Variants in TM4SF4 observed in about 807,000 individuals in gnomAD.
TM4SF4 encodes the protein transmembrane 4 L six family member 4, also known as transmembrane 4 L6 family member 4.
TM4SF4 carries 24 observed loss-of-function variants against 24.1 expected under a neutral mutation model. That is an observed-to-expected ratio of 1.00 (90% confidence interval 0.72 to 1.40). The LOEUF (loss-of-function observed/expected upper bound fraction) is 1.40. TM4SF4 is among the 40% of genes most tolerant of loss of function. The probability of loss-of-function intolerance (pLI) is 0.00; values close to 1 mark genes in which losing one functional copy is unlikely to be tolerated. For synonymous variants in TM4SF4, 113 were observed against 97.0 expected, an observed-to-expected ratio of 1.17 and a Z score of -0.97; for missense variants, 254 against 254.2, an observed-to-expected ratio of 1.00 and a Z score of 0.01.
At chr3:149,493,396 G>T (rs1378192575) in intron 3 of TM4SF4, among the ~76,000 whole-genome samples, 1 of 152,206 alleles carries the variant, frequency 6.6e-6, no homozygotes, top group African/African-American at 2.4e-5. Context: ...ATGGGTCAGA[G>T]CACTGGATTT....
chr3:149,496,578 G>A (rs1576522617), intron 3 of TM4SF4, among the ~76,000 whole-genome samples: 5 of 152,224 alleles, frequency 3.3e-5, no homozygotes, highest in Admixed American at 3.3e-4. Flanking sequence ...AGACCAGCCT[G>A]ACCAACATGG....
At chr3:149,484,550 ATTTTTTTT>A (rs890892392) in intron 2 of TM4SF4, among the ~76,000 whole-genome samples, 1 of 122,226 alleles carries the variant, frequency 8.2e-6, no homozygotes, top group East Asian at 2.3e-4. Flanking sequence ...CACCCCGCTA[ATTTTTTTT>A]TTTTTTTTTT....
At position 149,476,462 on chromosome 3, in the gene TM4SF4, C is replaced by T. The variant is rs186602397; in HGVS notation, c.264+550C>T. Among the ~76,000 whole-genome samples, 27 of 136,060 alleles carry T rather than the reference C, an allele frequency of 2.0e-4. 1 individual carries two copies. The highest frequency in any genetic ancestry group is 1.7e-3 in the Admixed American group (23 of 13,338). The allele number at this position is 136,060 out of a possible 152,430, so 89.3% of individuals were successfully genotyped here. ...CTTCTGTTTCCTCTCTTGTTTCATGCGGCCATCGATCTTGAACTAGAGACG... is the reference window on the plus strand; with the variant it reads ...CTTCTGTTTCCTCTCTTGTTTCATGTGGCCATCGATCTTGAACTAGAGACG... On this transcript the variant is annotated intron_variant, in intron 2 of 4. Coordinates refer to ENST00000305354, the MANE Select transcript of TM4SF4 (RefSeq NM_004617.4).
chr3:149,497,269 A>T (rs66903714), intron 3 of TM4SF4, among the ~76,000 whole-genome samples: 13,041 of 152,266 alleles, frequency 0.086, 1,101 homozygotes, highest in East Asian at 0.43. Flanking sequence ...AATAACCCTA[A>T]GATATGATAA....
chr3:149,474,984 T>C lies in TM4SF4; in HGVS notation c.107T>C (p.Ile36Thr), dbSNP rs752965209. Residue 36 changes from isoleucine to threonine, a missense_variant, in exon 1 of 5, where the codon ATA becomes ACA. Ile to Thr is a moderately conservative substitution (Grantham distance 89, BLOSUM62 -1). Transcript: ENST00000305354. ...ILLFFPGGKV[I>T]DDNDHLSQEI... ...TTATTTTTTCCTGGAGGAAAAGTGA[T>C]AGATGACAACGACCACCTTTCCCAA... 16 of 1,613,828 alleles carry C rather than the reference T, an allele frequency of 9.9e-6. No homozygotes were observed. The highest frequency in any genetic ancestry group is 2.2e-5 in the East Asian group (1 of 44,886).
intron 3 of TM4SF4, among the ~76,000 whole-genome samples, chr3:149,488,604 T>G (rs1214736066): frequency 1.3e-5 from 2 of 152,216 alleles, no homozygotes; most frequent in Non-Finnish European, 2.9e-5. Flanking sequence ...ATTCAGTTCC[T>G]TAATCACACT....
intron 2 of TM4SF4, among the ~76,000 whole-genome samples, chr3:149,479,369 T>TTC (rs1414628504): frequency 6.6e-6 from 1 of 150,664 alleles, no homozygotes; most frequent in Non-Finnish European, 1.5e-5. Flanking sequence ...TTCTTTTCTT[T>TTC]TTTTTTTTTT....
chr3:149,490,135 A>G (rs1734185794), intron 3 of TM4SF4, among the ~76,000 whole-genome samples: 1 of 152,242 alleles, frequency 6.6e-6, no homozygotes, highest in Admixed American at 6.5e-5. Context: ...GGTATAAAAT[A>G]TGCCATGATG....
In TM4SF4 at chr3:149,483,643, A is replaced by G. The variant is rs553739836; in HGVS notation, c.265-3976A>G. On this transcript the variant is annotated intron_variant, in intron 2 of 4. Transcript: ENST00000305354. ...ACATAAAAGCATGTCTTATTTTCCC[A>G]TAAAGAAACTTCAAAAAAGCTCCTT... Among the ~76,000 whole-genome samples, 14 of 152,308 alleles carry G rather than the reference A, an allele frequency of 9.2e-5. No individual in the cohort carries two copies. The South Asian group carries it at 2.9e-3, about 32-fold the overall frequency.
intron 3 of TM4SF4, among the ~76,000 whole-genome samples, chr3:149,493,601 C>G (rs1349626281): frequency 6.6e-6 from 1 of 152,234 alleles, no homozygotes; most frequent in Non-Finnish European, 1.5e-5. Context: ...AGCCCAGAGC[C>G]TGGCACTAGA....
intron 3 of TM4SF4, among the ~76,000 whole-genome samples, chr3:149,488,758 T>G (rs1241820872): frequency 6.6e-6 from 1 of 152,128 alleles, no homozygotes; most frequent in Non-Finnish European, 1.5e-5. Flanking sequence ...GCTTGGAGCA[T>G]TTTTGTTTTG....
intron 2 of TM4SF4, among the ~76,000 whole-genome samples, chr3:149,485,164 T>G (rs569421411): frequency 6.6e-6 from 1 of 152,358 alleles, no homozygotes; most frequent in East Asian, 1.9e-4. Flanking sequence ...TTTCCTTATA[T>G]TCCAGCATAT....
chr3:149,484,534 C>T (rs1398214883), intron 2 of TM4SF4, among the ~76,000 whole-genome samples: 1 of 151,578 alleles, frequency 6.6e-6, no homozygotes, highest in Non-Finnish European at 1.5e-5. Flanking sequence ...CAGGCATGGG[C>T]CACCACACCC....
chr3:149,502,440 G>T (rs1576524503), intron 4 of TM4SF4, among the ~76,000 whole-genome samples: 1 of 151,964 alleles, frequency 6.6e-6, no homozygotes, highest in East Asian at 1.9e-4. Flanking sequence ...CTTCCTTGAG[G>T]ACTAAATAAA....
chr3:149,475,102 A>G (rs1733903923), intron 1 of TM4SF4, 51 bp downstream of exon 1: 4 of 1,549,404 alleles, frequency 2.6e-6, no homozygotes, highest in Non-Finnish European at 3.5e-6. Flanking sequence ...CCTTCCCCAC[A>G]ATCCTTTTTA....
intron 3 of TM4SF4, 89 bp downstream of exon 3, chr3:149,487,844 T>G: frequency 6.5e-7 from 1 of 1,538,364 alleles, no homozygotes; most frequent in South Asian, 1.2e-5. Context: ...CAATGCCATG[T>G]CTTCATCCTT....
intron 4 of TM4SF4, among the ~76,000 whole-genome samples, chr3:149,501,679 T>G (rs1030441475): frequency 6.6e-6 from 1 of 152,226 alleles, no homozygotes; most frequent in Non-Finnish European, 1.5e-5. Context: ...AGACTTGGGC[T>G]CTCAGCCTAG....
Position 149,487,644 on chromosome 3 carries a change from T to C in TM4SF4, c.290T>C (p.Val97Ala), listed in dbSNP as rs377551701. Reference protein sequence around the residue: ...FAMFTSTIFAVVGFLGAGYSF... With the variant: ...FAMFTSTIFAAVGFLGAGYSF... Reference sequence around the variant, plus strand: ...ATGTTCACCTCCACGATATTTGCTGTGGTTGGATTCTTGGGAGCTGGATAC... The same window carrying C: ...ATGTTCACCTCCACGATATTTGCTGCGGTTGGATTCTTGGGAGCTGGATAC... Residue 97 changes from valine (V) to alanine (A), a missense_variant, in exon 3 of 5, where the codon GTG (valine) becomes GCG (alanine). By Grantham distance (64) the Val-to-Ala change is moderately conservative (BLOSUM62 0). Coordinates refer to ENST00000305354, the MANE Select transcript of TM4SF4 (RefSeq NM_004617.4). 2 of 1,613,926 alleles carry C rather than the reference T, an allele frequency of 1.2e-6. No individual in the cohort carries two copies. Among genetic ancestry groups the C allele is most frequent in the African/African-American group, 2.7e-5 (2 of 74,930 alleles).
rs374686102 is a variant in TM4SF4 at position 149,498,759 on chromosome 3, C to T, written c.439C>T (p.Arg147Ter). The change falls in exon 4 of 5, where the codon CGA becomes TGA. Residue 147 changes from arginine (R) to a stop codon, truncating the protein, a stop_gained. Coordinates refer to ENST00000305354, the MANE Select transcript of TM4SF4 (RefSeq NM_004617.4). LOFTEE classifies it high-confidence loss of function. ...LNDEALWNKC[R>*]EPLNVVPWNL... is the part of the protein sequence containing the mutation. ...TGATGAGGCCTTATGGAACAAGTGC[C>T]GAGAGCCTCTCAATGTGGTTCCCTG... 21 of 1,613,828 alleles carry T rather than the reference C, an allele frequency of 1.3e-5. No individual in the cohort carries two copies. The highest frequency in any genetic ancestry group is 2.2e-5 in the East Asian group (1 of 44,888).
Sources: allele counts gnomAD v4.1 joint callset (sites outside exome capture counted in the v4.1 genomes callset), GRCh38; gene constraint gnomAD v4.1.1; transcripts MANE v1.5; gene names NCBI Gene and HGNC (gene_info 2026-07-23, HGNC 2026-07-21).